The following ZCCHC7 variants were observed in gnomAD, a reference collection of about 807,000 sequenced individuals.
The protein encoded by ZCCHC7 is zinc finger CCHC-type containing 7.
Under a neutral mutation model 52.0 loss-of-function variants are expected in ZCCHC7, and 35 were observed. The observed-to-expected ratio is 0.67, with a 90% CI of 0.51 to 0.89. The LOEUF is 0.89. Ranked by LOEUF, ZCCHC7 falls within the 40% of genes least tolerant of loss-of-function variation. The probability of loss-of-function intolerance (pLI) is 0.00; values close to 1 mark genes in which losing one functional copy is unlikely to be tolerated. For missense variants in ZCCHC7, 574 were observed against 649.1 expected (o/e 0.88, Z 1.26); for synonymous variants, 217 against 221.5 (o/e 0.98, Z 0.18).
Position 37,354,767 on chromosome 9 carries a change from TATG to T in ZCCHC7, c.1146_1148del (p.Asp383del), listed in dbSNP as rs756882459. 1.2e-6 allele frequency: 2 copies of T among 1,613,340 alleles called. No homozygotes were observed. Among genetic ancestry groups the T allele is most frequent in the Non-Finnish European group, 1.7e-6 (2 of 1,179,538 alleles). On this transcript the variant is annotated inframe_deletion, in exon 8 of 9. Transcript: ENST00000336755. The surrounding 1 kb of genome is among the most constrained non-coding windows in gnomAD (Gnocchi z 4.0). ...TCCAGTATCTCCATTCATCTGCTAC[TATG>T]ATGACAAATATGAAATTCAGGAGAG...
chr9:37,268,882 A>G (rs550692890), intron 2 of ZCCHC7, among the ~76,000 whole-genome samples: 23 of 152,298 alleles, frequency 1.5e-4, no homozygotes, highest in Middle Eastern at 3.4e-3. Flanking sequence ...ACTGTATGCT[A>G]TGTTAGGGAT....
At chr9:37,293,852 C>T (rs1828655277) in intron 2 of ZCCHC7, among the ~76,000 whole-genome samples, 2 of 152,082 alleles carry the variant, frequency 1.3e-5, no homozygotes, top group Non-Finnish European at 2.9e-5. Flanking sequence ...AGCGAAAGCT[C>T]TATATGACCC....
intron 2 of ZCCHC7, among the ~76,000 whole-genome samples, chr9:37,171,064 G>A (rs1185600998): frequency 6.6e-6 from 1 of 152,164 alleles, no homozygotes; most frequent in Admixed American, 6.5e-5. Flanking sequence ...GTAATAGTAT[G>A]GTTGACAGTA....
intron 2 of ZCCHC7, among the ~76,000 whole-genome samples, chr9:37,266,945 A>G (rs549211627): frequency 1.3e-5 from 2 of 152,326 alleles, no homozygotes; most frequent in South Asian, 2.1e-4. Flanking sequence ...GACTTTTCCC[A>G]TGCATACTGA....
intron 2 of ZCCHC7, among the ~76,000 whole-genome samples, chr9:37,194,943 T>C (rs1564171309): frequency 6.6e-6 from 1 of 150,454 alleles, no homozygotes; most frequent in Non-Finnish European, 1.5e-5. Context: ...GGATTCTCTT[T>C]TTTCTTTTTT....
chr9:37,297,771 A>G (rs982530855), intron 2 of ZCCHC7, among the ~76,000 whole-genome samples: 30 of 152,140 alleles, frequency 2.0e-4, no homozygotes, highest in African/African-American at 7.2e-4. Context: ...ACTAGCTACT[A>G]CCTTCTGTCA....
rs1828647808 is a variant in ZCCHC7, at chr9:37,293,743, A to G, written c.611-8445A>G. ...TTTCTGAATAAATATTTTGTAAGCC[A>G]GGTGGTTCACTGACTGAACGTTTGG... On this transcript the variant is annotated intron_variant, in intron 2 of 8. Transcript: ENST00000336755. 2.0e-5 allele frequency among the ~76,000 whole-genome samples: 3 copies of G among 152,126 alleles called. No individual in the cohort carries two copies. The South Asian group carries it at 6.2e-4, about 32-fold the overall frequency.
chr9:37,152,137 A>G (rs774568029), intron 2 of ZCCHC7, among the ~76,000 whole-genome samples: 39 of 152,212 alleles, frequency 2.6e-4, no homozygotes, highest in Non-Finnish European at 5.1e-4. Context: ...CTAAAGAAAG[A>G]TTTCCAAATA....
chr9:37,129,647 C>T (rs926535175), intron 2 of ZCCHC7, among the ~76,000 whole-genome samples: 2 of 151,994 alleles, frequency 1.3e-5, no homozygotes, highest in African/African-American at 4.8e-5. Context: ...AAACAGTATC[C>T]ATAATTATTT....
intron 2 of ZCCHC7, among the ~76,000 whole-genome samples, chr9:37,206,476 C>T (rs967984920): frequency 4.6e-5 from 7 of 151,994 alleles, no homozygotes; most frequent in Non-Finnish European, 7.4e-5. Flanking sequence ...CTCAGCCCCC[C>T]GAGTAGCTGG....
At chr9:37,207,044 T>C (rs894479154) in intron 2 of ZCCHC7, among the ~76,000 whole-genome samples, 1 of 152,092 alleles carries the variant, frequency 6.6e-6, no homozygotes, top group Non-Finnish European at 1.5e-5. Context: ...GAGGATCGCT[T>C]GAACCCAGGA....
intron 2 of ZCCHC7, among the ~76,000 whole-genome samples, chr9:37,250,378 T>C (rs1441995140): frequency 6.6e-6 from 1 of 150,722 alleles, no homozygotes; most frequent in East Asian, 2.0e-4. Flanking sequence ...CTCAGCGCAC[T>C]GCAACCTCCG....
intron 6 of ZCCHC7, among the ~76,000 whole-genome samples, chr9:37,348,347 GTTCTTTCTTTCTTTCTTTCTTTCTTTCT>G (rs58182218): frequency 1.5e-5 from 2 of 135,488 alleles, no homozygotes; most frequent in Admixed American, 1.5e-4. Context: ...ATACCAGTTC[GTTCTTTCTTTCTTTCTTTCTTTCTTTCT>G]TTCTTTCTTT....
At chr9:37,210,851 G>T (rs890605294) in intron 2 of ZCCHC7, among the ~76,000 whole-genome samples, 1 of 152,078 alleles carries the variant, frequency 6.6e-6, no homozygotes, top group Non-Finnish European at 1.5e-5. Flanking sequence ...TTTAAAATAG[G>T]GCTCTATAAC....
At chr9:37,331,168 A>G (rs965599559) in intron 6 of ZCCHC7, among the ~76,000 whole-genome samples, 1 of 151,626 alleles carries the variant, frequency 6.6e-6, no homozygotes, top group African/African-American at 2.4e-5. Context: ...GTTTTTTTAT[A>G]TATAATGTTT....
Position 37,266,036 on chromosome 9 carries a change from A to G in ZCCHC7, c.611-36152A>G, listed in dbSNP as rs577543376. Reference sequence around the variant, plus strand: ...TTCCTCAAGATCTTAGCATAATGCCACTTCTACTTCTTCTTTAAGGTCAGA... The same window carrying G: ...TTCCTCAAGATCTTAGCATAATGCCGCTTCTACTTCTTCTTTAAGGTCAGA... On this transcript the variant is annotated intron_variant, in intron 2 of 8. Transcript: ENST00000336755. Among the ~76,000 whole-genome samples, 43 of 152,316 alleles carry G rather than the reference A, an allele frequency of 2.8e-4. 1 individual carries two copies. In the South Asian group the frequency reaches 8.7e-3, roughly 31 times the overall value.
intron 2 of ZCCHC7, among the ~76,000 whole-genome samples, chr9:37,229,621 C>CTA (rs1825300899): frequency 6.6e-6 from 1 of 152,172 alleles, no homozygotes; most frequent in Admixed American, 6.5e-5. Context: ...AGAGCACTTA[C>CTA]TATGAATGGA....
chr9:37,155,838 CT>C (rs1588392727), intron 2 of ZCCHC7, among the ~76,000 whole-genome samples: 1 of 152,192 alleles, frequency 6.6e-6, no homozygotes, highest in Non-Finnish European at 1.5e-5. Context: ...TTTTGGCCCT[CT>C]CTGTTGTGCA....
At chr9:37,250,282 ATCTC>A (rs1483045594) in intron 2 of ZCCHC7, among the ~76,000 whole-genome samples, 1 of 148,936 alleles carries the variant, frequency 6.7e-6, no homozygotes. Context: ...CTAGGAATCA[ATCTC>A]TCTCTTTCTC....
Sources: gnomAD v4.1 joint callset for allele counts (sites outside exome capture counted in the v4.1 genomes callset) on GRCh38, gnomAD v4.1.1 for gene constraint, Gnocchi (gnomAD v3.1) non-coding constraint, MANE v1.5 for transcripts, NCBI Gene and HGNC (gene_info 2026-07-23, HGNC 2026-07-21) for gene names.